The following ORAI2 variants were observed in gnomAD, a reference collection of about 807,000 sequenced individuals.
ORAI2 encodes ORAI calcium release-activated calcium modulator 2.
In ORAI2, 10 loss-of-function variants were observed where a neutral mutation model predicts 16.2. The observed-to-expected ratio is 0.62, with a 90% CI of 0.38 to 1.04. The LOEUF is 1.04. Ranked by LOEUF, ORAI2 falls within the 50% of genes least tolerant of loss-of-function variation. The pLI, the probability that ORAI2 is intolerant of heterozygous loss-of-function variation, is 0.01. For synonymous variants in ORAI2, 150 were observed against 157.5 expected, an observed-to-expected ratio of 0.95 and a Z score of 0.35; for missense variants, 238 against 355.5, an observed-to-expected ratio of 0.67 and a Z score of 2.66.
rs777914063 is a variant in ORAI2, at chr7:102,446,861, A to G, written c.574A>G (p.Thr192Ala). 9 of 1,613,586 alleles carry G rather than the reference A, an allele frequency of 5.6e-6. No homozygotes were observed. The highest frequency in any genetic ancestry group is 7.6e-6 in the Non-Finnish European group (9 of 1,179,956). Reference sequence around the variant, plus strand: ...CCCCCCACCTGGCCCTGGGAGTCACACGGGCTGGCAGGCCGCCCTGGTGTC... The same window carrying G: ...CCCCCCACCTGGCCCTGGGAGTCACGCGGGCTGGCAGGCCGCCCTGGTGTC... Reference protein sequence around the residue: ...PGPPPGPGSHTGWQAALVSTI... With the variant: ...PGPPPGPGSHAGWQAALVSTI... Residue 192 changes from threonine to alanine, a missense_variant, in exon 4 of 4, where the codon ACG (threonine) becomes GCG (alanine). By Grantham distance (58) the Thr-to-Ala change is moderately conservative (BLOSUM62 0). Coordinates refer to ENST00000495936, the MANE Select transcript of ORAI2 (RefSeq NM_001126340.3).
intron 1 of ORAI2, among the ~76,000 whole-genome samples, chr7:102,435,669 G>C (rs895204803): frequency 6.7e-6 from 1 of 148,714 alleles, no homozygotes; most frequent in Non-Finnish European, 1.5e-5. Flanking sequence ...GAGTCTCACT[G>C]TGTCACCCAG....
In ORAI2 at chr7:102,446,551, G is replaced by C. The variant is rs760931275; in HGVS notation, c.264G>C (p.Gln88His). Residue 88 changes from glutamine (Q) to histidine (H), a missense_variant, in exon 4 of 4, where the codon CAG (glutamine) becomes CAC (histidine). Physicochemically the swap from Gln to His is conservative, Grantham distance 24 (BLOSUM62 0). Transcript: ENST00000495936. Reference sequence around the variant, plus strand: ...AGGTGCAGCTGGAGACGCAGTACCAGTACCCGCGGCCGCTGCTGATTGCCT... The same window carrying C: ...AGGTGCAGCTGGAGACGCAGTACCACTACCCGCGGCCGCTGCTGATTGCCT... Reference protein sequence around the residue: ...MVEVQLETQYQYPRPLLIAFS... With the variant: ...MVEVQLETQYHYPRPLLIAFS... 1.6e-5 allele frequency: 25 copies of C among 1,612,122 alleles called. No homozygotes were observed. Among genetic ancestry groups the C allele is most frequent in the Non-Finnish European group, 2.1e-5 (25 of 1,179,630 alleles).
Position 102,447,051 on chromosome 7 carries a change from G to A in ORAI2, c.764G>A (p.Ter255=). 6.5e-7 allele frequency: 1 copy of A among 1,530,624 alleles called. No homozygotes were observed. The highest frequency in any genetic ancestry group is 8.8e-7 in the Non-Finnish European group (1 of 1,141,916). 94.8% of individuals were successfully genotyped at this position (1,530,624 alleles called of 1,614,324 possible). A position where few individuals can be genotyped will look rare whatever the true frequency, so the allele number is the denominator to read the frequency against. ...CATGAGCGCAGCCTGCAGGTCTTGT[G>A]AGGGGCCGAGGGCCGGGGCTGGGAG... ...DGHERSLQVL[*] The change falls in exon 4 of 4, where the codon TGA becomes TAA. Residue 255 remains the stop codon, a stop_retained_variant. Coordinates refer to ENST00000495936, the MANE Select transcript of ORAI2 (RefSeq NM_001126340.3).
At chr7:102,436,610 G>A (rs1296095687) in intron 2 of ORAI2, among the ~76,000 whole-genome samples, 1 of 152,182 alleles carries the variant, frequency 6.6e-6, no homozygotes, top group Non-Finnish European at 1.5e-5. Flanking sequence ...CGCTCCCTGG[G>A]ACCTAGAAAC....
At chr7:102,438,403 G>T (rs1033248578) in intron 2 of ORAI2, among the ~76,000 whole-genome samples, 41 of 152,160 alleles carry the variant, frequency 2.7e-4, no homozygotes, top group African/African-American at 9.9e-4. Context: ...CCATTCTCAC[G>T]ATGAAAGAGC....
chr7:102,439,331 T>A, intron 3 of ORAI2, 150 bp downstream of exon 3: 1 of 676,058 alleles, frequency 1.5e-6, no homozygotes, highest in Non-Finnish European at 2.5e-6. Context: ...CCAGCTGCTC[T>A]AAGAGGACGA....
rs1359615568 is a variant in ORAI2, at chr7:102,446,564, C to A, written c.277C>A (p.Leu93Met). The A allele has an allele frequency of 1.2e-6, 2 of 1,613,186 alleles. No individual in the cohort carries two copies. Residue 93 changes from leucine (L) to methionine (M), a missense_variant, in exon 4 of 4, where the codon CTG becomes ATG. Physicochemically the swap from Leu to Met is conservative, Grantham distance 15. Transcript: ENST00000495936. ...LETQYQYPRPLLIAFSACTTV... is the reference protein window; with the variant it reads ...LETQYQYPRPMLIAFSACTTV... ...GACGCAGTACCAGTACCCGCGGCCG[C>A]TGCTGATTGCCTTCAGCGCCTGCAC...
At chr7:102,443,528 A>C (rs1438610863) in intron 3 of ORAI2, among the ~76,000 whole-genome samples, 1 of 151,686 alleles carries the variant, frequency 6.6e-6, no homozygotes, top group East Asian at 1.9e-4. Flanking sequence ...TGTGGTTTGT[A>C]ATATTTGTCA....
rs544628155 is a variant in ORAI2 at position 102,441,739 on chromosome 7, C to G, written c.225+2558C>G. 3.5e-4 allele frequency among the ~76,000 whole-genome samples: 53 copies of G among 152,052 alleles called. 1 individual carries two copies. Among genetic ancestry groups the G allele is most frequent in the Admixed American group, 2.0e-3 (31 of 15,272 alleles). On this transcript the variant is annotated intron_variant, in intron 3 of 3. Transcript: ENST00000495936. The stretch of plus-strand genomic sequence containing the variant: ...TCTGCAGATGTGGAACTCATAGATA[C>G]AGAGCACCAGCTGCAGTGGGAAGCA...
Position 102,446,585 on chromosome 7 carries a change from T to G in ORAI2, c.298T>G (p.Cys100Gly), listed in dbSNP as rs1277716736. 14 of 1,613,598 alleles carry G rather than the reference T, an allele frequency of 8.7e-6. No individual in the cohort carries two copies. Among genetic ancestry groups the G allele is most frequent in the African/African-American group, 1.3e-5 (1 of 75,068 alleles). Residue 100 changes from cysteine to glycine, a missense_variant, in exon 4 of 4, where the codon TGC (cysteine) becomes GGC (glycine). By Grantham distance (159) the Cys-to-Gly change is radical (BLOSUM62 -3). This residue lies in a region of ORAI2 where 176 missense variants were observed against 265.9 expected (regional missense o/e 0.66). Coordinates refer to ENST00000495936, the MANE Select transcript of ORAI2 (RefSeq NM_001126340.3). Reference sequence around the variant, plus strand: ...GCCGCTGCTGATTGCCTTCAGCGCCTGCACCACGGTGCTGGTGGCCGTGCA... The same window carrying G: ...GCCGCTGCTGATTGCCTTCAGCGCCGGCACCACGGTGCTGGTGGCCGTGCA... Reference protein sequence around the residue: ...PRPLLIAFSACTTVLVAVHLF... With the variant: ...PRPLLIAFSAGTTVLVAVHLF...
intron 3 of ORAI2, among the ~76,000 whole-genome samples, chr7:102,444,072 T>A (rs1359818763): frequency 6.6e-6 from 1 of 152,068 alleles, no homozygotes; most frequent in Non-Finnish European, 1.5e-5. Context: ...AGGTGGCAGT[T>A]GCTGAAGGAC....
rs1338742177 is a variant in ORAI2 at position 102,449,195 on chromosome 7, C to T, written c.*2143C>T. On this transcript the variant is annotated 3_prime_UTR_variant, in exon 4 of 4. Transcript: ENST00000495936. ...CAGACATTTGTCTGCGACCTTTGCC[C>T]TCCAGCATGTATGTACTTTCCTGCA... The T allele has an allele frequency of 6.6e-6, 1 of 152,196 alleles. No homozygotes were observed. The highest frequency in any genetic ancestry group is 6.6e-5 in the Admixed American group (1 of 15,256). 9.4% of individuals were successfully genotyped at this position (152,196 alleles called of 1,614,324 possible). A position where few individuals can be genotyped will look rare whatever the true frequency, so the allele number is the denominator to read the frequency against.
chr7:102,442,284 G>A (rs1404334901), intron 3 of ORAI2, among the ~76,000 whole-genome samples: 1 of 152,168 alleles, frequency 6.6e-6, no homozygotes, highest in African/African-American at 2.4e-5. Context: ...CGGGCGCCAT[G>A]GTTCATGCCT....
At position 102,447,300 on chromosome 7, in the gene ORAI2, G is replaced by A. The variant is rs573504985; in HGVS notation, c.*248G>A. 50 of 524,736 alleles carry A rather than the reference G, an allele frequency of 9.5e-5. No individual in the cohort carries two copies. Among genetic ancestry groups the A allele is most frequent in the African/African-American group, 2.7e-4 (14 of 52,222 alleles). The allele number at this position is 524,736 out of a possible 1,614,324, so 32.5% of individuals were successfully genotyped here. On this transcript the variant is annotated 3_prime_UTR_variant, in exon 4 of 4. Coordinates refer to ENST00000495936, the MANE Select transcript of ORAI2 (RefSeq NM_001126340.3). ...CCTTGGCCTCGGGGTTTCCTGGGTC[G>A]GGGACACGGTGAAGAGGCTCCAGCG...
In ORAI2 at chr7:102,455,852, T is replaced by C. The variant is rs1430604551; in HGVS notation, c.*8800T>C. 1 of 152,246 alleles carries C rather than the reference T, an allele frequency of 6.6e-6. No homozygotes were observed. The highest frequency in any genetic ancestry group is 2.4e-5 in the African/African-American group (1 of 41,464). The allele number at this position is 152,246 out of a possible 1,614,324, so 9.4% of individuals were successfully genotyped here. A position where few individuals can be genotyped will look rare whatever the true frequency, so the allele number is the denominator to read the frequency against. ...GGCTCTCACAGCCACTAGAAACCCATCAGCCTTTCCCCTGGGTCTATGCGG... is the reference window on the plus strand; with the variant it reads ...GGCTCTCACAGCCACTAGAAACCCACCAGCCTTTCCCCTGGGTCTATGCGG... On this transcript the variant is annotated 3_prime_UTR_variant, in exon 4 of 4. Transcript: ENST00000495936.
intron 3 of ORAI2, among the ~76,000 whole-genome samples, chr7:102,444,579 G>T (rs7803493): frequency 0.014 from 1,780 of 125,964 alleles, 39 homozygotes; most frequent in African/African-American, 0.049. Flanking sequence ...GAGTTTTGTT[G>T]TTTTTTTTTC....
At position 102,436,374 on chromosome 7, in the gene ORAI2, C is replaced by T. The variant is rs902728123; in HGVS notation, c.-14+41C>T. The T allele has an allele frequency of 3.0e-6, 3 of 983,778 alleles. 1 individual carries two copies. Among genetic ancestry groups the T allele is most frequent in the Non-Finnish European group, 3.6e-6 (3 of 828,588 alleles). 60.9% of individuals were successfully genotyped at this position (983,778 alleles called of 1,614,324 possible). On this transcript the variant is annotated intron_variant, in intron 2 of 3. Coordinates refer to ENST00000495936, the MANE Select transcript of ORAI2 (RefSeq NM_001126340.3). ...TGGCAGAAATAGCACAGAACTGTTCCCAGAGGTCTTGTTGGCCAGGGAAGG... is the reference window on the plus strand; with the variant it reads ...TGGCAGAAATAGCACAGAACTGTTCTCAGAGGTCTTGTTGGCCAGGGAAGG...
chr7:102,442,687 A>C (rs1363761614), intron 3 of ORAI2, among the ~76,000 whole-genome samples: 1 of 151,232 alleles, frequency 6.6e-6, no homozygotes, highest in Non-Finnish European at 1.5e-5. Flanking sequence ...ACTCCGTCTC[A>C]AAAAACAAAA....
chr7:102,439,188 G>A lies in ORAI2; in HGVS notation c.225+7G>A, dbSNP rs749780969. ...CCTCTCCGGCTTTGCCATGGTGAGT[G>A]TGGGCGCCAAGTGAGGAGCACACTG... is the stretch of plus-strand genomic sequence containing the variant. On this transcript the variant is annotated splice_region_variant and intron_variant, in intron 3 of 3. Coordinates refer to ENST00000495936, the MANE Select transcript of ORAI2 (RefSeq NM_001126340.3). The A allele has an allele frequency of 1.9e-6, 3 of 1,611,870 alleles. No homozygotes were observed. The highest frequency in any genetic ancestry group is 2.2e-5 in the East Asian group (1 of 44,890).
Sources: allele counts gnomAD v4.1 joint callset (sites outside exome capture counted in the v4.1 genomes callset), GRCh38; gene constraint gnomAD v4.1.1; regional missense constraint gnomAD v4.1.1; transcripts MANE v1.5; gene names NCBI Gene and HGNC (gene_info 2026-07-23, HGNC 2026-07-21).